The following AGK variants were observed in gnomAD, a reference collection of about 807,000 sequenced individuals.
The protein encoded by AGK is acylglycerol kinase, mitochondrial.
A neutral mutation model predicts 66.4 loss-of-function variants in AGK; 52 were observed. The ratio of observed to expected loss-of-function variants is 0.78; its 90% CI spans 0.63 to 0.99. The LOEUF (loss-of-function observed/expected upper bound fraction) is 0.99. Among genes scored for constraint, AGK ranks in the 50% least tolerant of loss-of-function variants. The pLI is 0.00. For synonymous variants in AGK, 182 were observed against 181.1 expected, an observed-to-expected ratio of 1.00 and a Z score of -0.04; for missense variants, 451 against 506.6, an observed-to-expected ratio of 0.89 and a Z score of 1.05.
At chr7:141,556,930 AAT>A (rs1387457400) in intron 2 of AGK, among the ~76,000 whole-genome samples, 3 of 152,244 alleles carry the variant, frequency 2.0e-5, no homozygotes, top group Non-Finnish European at 4.4e-5. Flanking sequence ...CTTTTAGTTT[AAT>A]ATGGTAATAA....
At chr7:141,649,836 T>G (rs1221703755) in intron 14 of AGK, among the ~76,000 whole-genome samples, 2 of 152,258 alleles carry the variant, frequency 1.3e-5, no homozygotes, top group Non-Finnish European at 2.9e-5. Context: ...CAGTTCACCA[T>G]GTCCTCCTAT....
chr7:141,608,202 G>A (rs1479775245), intron 5 of AGK, among the ~76,000 whole-genome samples: 1 of 152,128 alleles, frequency 6.6e-6, no homozygotes, highest in Non-Finnish European at 1.5e-5. Flanking sequence ...ATGGCAATGA[G>A]TGCTAAGAAG....
chr7:141,644,334 G>A (rs1273702065), intron 13 of AGK, among the ~76,000 whole-genome samples: 1 of 152,114 alleles, frequency 6.6e-6, no homozygotes, highest in Admixed American at 6.5e-5. Context: ...TTATCTTTGT[G>A]CCTATTTAAA....
chr7:141,583,687 A>C (rs1795933461), intron 2 of AGK, among the ~76,000 whole-genome samples: 1 of 151,984 alleles, frequency 6.6e-6, no homozygotes, highest in Non-Finnish European at 1.5e-5. Context: ...GTGATTAAAC[A>C]CCAAGGGAAG....
intron 2 of AGK, among the ~76,000 whole-genome samples, chr7:141,585,507 A>AT (rs569166934): frequency 5.9e-5 from 9 of 152,022 alleles, no homozygotes; most frequent in South Asian, 2.1e-4. Context: ...CTTGAAATCT[A>AT]TTTTTTTTAA....
chr7:141,584,693 G>A (rs1587091989), intron 2 of AGK, among the ~76,000 whole-genome samples: 1 of 152,174 alleles, frequency 6.6e-6, no homozygotes, highest in Admixed American at 6.5e-5. Context: ...AGTGTAGGAG[G>A]CAGTGCTGTA....
chr7:141,594,131 T>C (rs968998351), intron 3 of AGK: 2 of 152,232 alleles, frequency 1.3e-5, no homozygotes, highest in East Asian at 3.8e-4. Context: ...TTAAATGTAT[T>C]ATCTTTCATA....
chr7:141,615,446 A>G (rs375804662), intron 7 of AGK, 25 bp from the exon 8 acceptor site: 17 of 1,592,982 alleles, frequency 1.1e-5, no homozygotes, highest in Non-Finnish European at 1.4e-5. Context: ...TAACAATAAA[A>G]CTTTCCTCTT....
At chr7:141,584,371 G>A (rs1008819434) in intron 2 of AGK, among the ~76,000 whole-genome samples, 5 of 152,094 alleles carry the variant, frequency 3.3e-5, no homozygotes, top group Admixed American at 3.3e-4. Flanking sequence ...CACTTGCTTC[G>A]GGCCATCTGG....
chr7:141,621,922 C>T (rs1366399615), intron 9 of AGK, 121 bp downstream of exon 9: 2 of 673,506 alleles, frequency 3.0e-6, no homozygotes, highest in East Asian at 2.8e-5. Flanking sequence ...CTCTTCCATT[C>T]CTACCCCAAG....
chr7:141,615,983 T>C (rs1319627274), intron 8 of AGK: 2 of 159,540 alleles, frequency 1.3e-5, no homozygotes, highest in African/African-American at 2.4e-5. Context: ...ATATTAAAAA[T>C]AGCTAAAACA....
At chr7:141,632,678 A>G (rs1797085039) in intron 9 of AGK, among the ~76,000 whole-genome samples, 1 of 152,194 alleles carries the variant, frequency 6.6e-6, no homozygotes, top group Non-Finnish European at 1.5e-5. Context: ...GAAAACTAAT[A>G]TGTCCTTGCT....
intron 10 of AGK, among the ~76,000 whole-genome samples, chr7:141,635,723 G>A (rs186371069): frequency 7.5e-4 from 114 of 151,986 alleles, no homozygotes; most frequent in Non-Finnish European, 1.4e-3. Flanking sequence ...ACTTTATTCT[G>A]TGCCATTCAT....
intron 9 of AGK, among the ~76,000 whole-genome samples, chr7:141,627,451 A>G (rs1796963610): frequency 6.6e-6 from 1 of 152,182 alleles, no homozygotes; most frequent in Non-Finnish European, 1.5e-5. Flanking sequence ...TTGTGAAAGA[A>G]GGATCCTCAC....
intron 2 of AGK, among the ~76,000 whole-genome samples, chr7:141,591,115 A>T (rs1796106865): frequency 9.0e-6 from 1 of 110,600 alleles, no homozygotes; most frequent in Non-Finnish European, 1.7e-5. Context: ...TTTTTGAGAC[A>T]GAGTCTCACT....
At chr7:141,625,273 A>G (rs1266955073) in intron 9 of AGK, among the ~76,000 whole-genome samples, 1 of 152,224 alleles carries the variant, frequency 6.6e-6, no homozygotes, top group East Asian at 1.9e-4. Context: ...CGAACCTGCA[A>G]CATTTGTGAG....
Position 141,555,668 on chromosome 7 carries a change from A to T in AGK, c.101+101A>T, listed in dbSNP as rs1291933868. On this transcript the variant is annotated intron_variant, in intron 2 of 15. Transcript: ENST00000649286. The surrounding 1 kb of genome is among the most constrained non-coding windows in gnomAD (Gnocchi z 4.2). The stretch of plus-strand genomic sequence containing the variant: ...GCTCAGCTGTGCTTATCCCTATAAA[A>T]CATGTGGTGTAAAAGAAAAATAAAT... The T allele has an allele frequency of 3.8e-6, 3 of 791,028 alleles. No homozygotes were observed. The highest frequency in any genetic ancestry group is 2.8e-5 in the Admixed American group (1 of 35,512). The allele number at this position is 791,028 out of a possible 1,614,324, so 49.0% of individuals were successfully genotyped here.
chr7:141,560,995 G>C (rs574547128), intron 2 of AGK, among the ~76,000 whole-genome samples: 1 of 151,948 alleles, frequency 6.6e-6, no homozygotes, highest in South Asian at 2.1e-4. Flanking sequence ...GGGTTTCATC[G>C]TGTTAGCCAG....
Position 141,555,544 on chromosome 7 carries a change from C to A in AGK, c.78C>A (p.Gly26=). 6.2e-7 allele frequency: 1 copy of A among 1,613,864 alleles called. No homozygotes were observed. The highest frequency in any genetic ancestry group is 8.5e-7 in the Non-Finnish European group (1 of 1,179,860). ...TAGLCLLTWG[G]HWLYGKHCDN... is the part of the protein sequence containing the mutation. ...GGCTCTGCCTGCTGACCTGGGGAGG[C>A]CATTGGCTCTATGGAAAACACTGGT... The change falls in exon 2 of 16, where the codon GGC becomes GGA. Residue 26 remains glycine (G), a synonymous_variant. Coordinates refer to ENST00000649286, the MANE Select transcript of AGK (RefSeq NM_018238.4). The surrounding 1 kb of genome is among the most constrained non-coding windows in gnomAD (Gnocchi z 4.2).
Sources: gnomAD v4.1 joint callset for allele counts (sites outside exome capture counted in the v4.1 genomes callset) on GRCh38, gnomAD v4.1.1 for gene constraint, Gnocchi (gnomAD v3.1) non-coding constraint, MANE v1.5 for transcripts, NCBI Gene and HGNC (gene_info 2026-07-23, HGNC 2026-07-21) for gene names.